ATM: variants seen among roughly 807,000 people sequenced by gnomAD.
ATM encodes the protein serine-protein kinase ATM.
A neutral mutation model predicts 387.0 loss-of-function variants in ATM; 308 were observed. The observed-to-expected ratio is 0.80, with a 90% CI of 0.73 to 0.87. The LOEUF is 0.87. Ranked by LOEUF, ATM falls within the 40% of genes least tolerant of loss-of-function variation. ATM has a pLI of 0.00. For synonymous variants in ATM, 1,156 were observed against 1,187.3 expected, an observed-to-expected ratio of 0.97 and a Z score of 0.54; for missense variants, 3,312 against 3,560.9, an observed-to-expected ratio of 0.93 and a Z score of 1.78.
intron 16 of ATM, among the ~76,000 whole-genome samples, chr11:108,266,770 G>A (rs1386142031): frequency 6.6e-6 from 1 of 150,588 alleles, no homozygotes; most frequent in Admixed American, 6.6e-5. Context: ...CATGAACCTT[G>A]AATTGTTTGA....
chr11:108,358,004 G>A lies in ATM; in HGVS notation c.8850+3130G>A, dbSNP rs1398090683. Among the ~76,000 whole-genome samples the A allele has an allele frequency of 3.5e-4, 51 of 146,378 alleles. No homozygotes were observed. The East Asian group carries it at 3.7e-3, about 11-fold the overall frequency. ...AGACGATCAAATTACTCTGAGCTAC[G>A]GGAGGACATTCAAACCAAAGGCAAA... On this transcript the variant is annotated intron_variant, in intron 61 of 62. Transcript: ENST00000675843.
At chr11:108,262,567 T>G (rs2080964383) in intron 16 of ATM, among the ~76,000 whole-genome samples, 2 of 152,218 alleles carry the variant, frequency 1.3e-5, no homozygotes, top group African/African-American at 2.4e-5. Flanking sequence ...AGGAAGAAAC[T>G]GCATCAACTA....
intron 58 of ATM, 33 bp downstream of exon 58, chr11:108,345,941 C>T (rs891286026): frequency 1.4e-5 from 22 of 1,611,340 alleles, no homozygotes; most frequent in Non-Finnish European, 1.7e-5. Flanking sequence ...AGATTGAGCA[C>T]TTTGTTGTTT....
rs201934068 is a variant in ATM, at chr11:108,354,058, TACACACACACAAACACACAC to T, written c.8786+190_8786+209del. On this transcript the variant is annotated intron_variant, in intron 60 of 62. Coordinates refer to ENST00000675843, the MANE Select transcript of ATM (RefSeq NM_000051.4). ...CAGCAAGACCCTGTATCTAAAAAAA[TACACACACACAAACACACAC>T]ACACACACACACACACACACACACA... is the stretch of plus-strand genomic sequence containing the variant. Among the ~76,000 whole-genome samples, 133 of 67,056 alleles carry T rather than the reference TACACACACACAAACACACAC, an allele frequency of 2.0e-3. 2 individuals are homozygous for T. The East Asian group carries it at 0.049, about 24-fold the overall frequency. The allele number at this position is 67,056 out of a possible 152,430, so 44.0% of individuals were successfully genotyped here.
chr11:108,243,810 C>CT (rs2079686423), intron 5 of ATM, 143 bp from the exon 6 acceptor site: 7 of 772,906 alleles, frequency 9.1e-6, no homozygotes, highest in Non-Finnish European at 1.4e-5. Context: ...TGATGGAGTA[C>CT]TTTTACTATG....
At chr11:108,238,558 T>A (rs2079411616) in intron 5 of ATM, among the ~76,000 whole-genome samples, 1 of 152,180 alleles carries the variant, frequency 6.6e-6, no homozygotes, top group Admixed American at 6.5e-5. Context: ...ACATTTTGAT[T>A]TTCAAATTGT....
At chr11:108,266,789 A>ATTTT (rs893198517) in intron 16 of ATM, among the ~76,000 whole-genome samples, 5 of 132,570 alleles carry the variant, frequency 3.8e-5, no homozygotes, top group East Asian at 2.1e-4. Context: ...GATTAGGTAA[A>ATTTT]TTTTTTTTTT....
At chr11:108,257,438 T>G (rs765419792) in intron 14 of ATM, 43 bp from the exon 15 acceptor site, 47 of 1,604,168 alleles carry the variant, frequency 2.9e-5, no homozygotes, top group Non-Finnish European at 3.8e-5. Context: ...TACTAAACTA[T>G]AATTTTAACT....
At chr11:108,318,286 CG>C in intron 43 of ATM, among the ~76,000 whole-genome samples, 1 of 151,846 alleles carries the variant, frequency 6.6e-6, no homozygotes, top group East Asian at 1.9e-4. Flanking sequence ...TGCTAGAACA[CG>C]GGAGACGGAG....
At chr11:108,334,837 G>A (rs1012958080) in intron 54 of ATM, 132 bp from the exon 55 acceptor site, 5 of 1,076,960 alleles carry the variant, frequency 4.6e-6, no homozygotes, top group Middle Eastern at 2.9e-4. Flanking sequence ...GCCTAAAGTT[G>A]TAGTTCTTAA....
chr11:108,257,202 T>C (rs2080549097), intron 14 of ATM, among the ~76,000 whole-genome samples: 2 of 152,190 alleles, frequency 1.3e-5, no homozygotes, highest in Admixed American at 6.5e-5. Context: ...TTTTTAATGA[T>C]AGGCTGTAAG....
At chr11:108,293,038 G>A (rs751418358) in intron 30 of ATM, among the ~76,000 whole-genome samples, 2 of 152,108 alleles carry the variant, frequency 1.3e-5, no homozygotes, top group Non-Finnish European at 2.9e-5. Flanking sequence ...ATAGCAGTTC[G>A]CAACGTTATG....
At position 108,359,483 on chromosome 11, in the gene ATM, C is replaced by G. The variant is rs573907148; in HGVS notation, c.8850+4609C>G. On this transcript the variant is annotated intron_variant, in intron 61 of 62. Coordinates refer to ENST00000675843, the MANE Select transcript of ATM (RefSeq NM_000051.4). ...TACAGAACTCTCCACCCCAAATCAACAGAATATACATTTTTTTCAGCACCA... is the reference window on the plus strand; with the variant it reads ...TACAGAACTCTCCACCCCAAATCAAGAGAATATACATTTTTTTCAGCACCA... Among the ~76,000 whole-genome samples, 207 of 152,132 alleles carry G rather than the reference C, an allele frequency of 1.4e-3. 1 individual carries two copies. The highest frequency in any genetic ancestry group is 4.7e-3 in the African/African-American group (195 of 41,488).
At position 108,335,224 on chromosome 11, in the gene ATM, G is replaced by A. The variant is rs113965980; in HGVS notation, c.8151+115G>A. 2.5e-6 allele frequency: 4 copies of A among 1,569,218 alleles called. No individual in the cohort carries two copies. The African/African-American group carries it at 5.4e-5, about 21-fold the overall frequency. On this transcript the variant is annotated intron_variant, in intron 55 of 62. Transcript: ENST00000675843. Reference sequence around the variant, plus strand: ...GTCTTTATTTTGAATACTTACAAATGAGGAAGATTTGTAGAGTAGAAATGC... The same window carrying A: ...GTCTTTATTTTGAATACTTACAAATAAGGAAGATTTGTAGAGTAGAAATGC...
intron 37 of ATM, among the ~76,000 whole-genome samples, chr11:108,306,663 A>T (rs1485813580): frequency 1.3e-5 from 2 of 152,142 alleles, no homozygotes; most frequent in Non-Finnish European, 2.9e-5. Context: ...CACATATAAA[A>T]TTCTGTTATT....
chr11:108,341,511 A>G (rs1424406061), intron 56 of ATM, among the ~76,000 whole-genome samples: 2 of 152,144 alleles, frequency 1.3e-5, no homozygotes, highest in Non-Finnish European at 2.9e-5. Context: ...TGTGTGTAAC[A>G]TGTAATACGC....
chr11:108,233,677 T>C (rs1445956770), intron 4 of ATM, among the ~76,000 whole-genome samples: 1 of 150,628 alleles, frequency 6.6e-6, no homozygotes, highest in Non-Finnish European at 1.5e-5. Context: ...GGAGACCCCA[T>C]CTTTAAAAAA....
At chr11:108,320,408 T>C (rs2085118082) in intron 44 of ATM, among the ~76,000 whole-genome samples, 1 of 152,208 alleles carries the variant, frequency 6.6e-6, no homozygotes, top group Non-Finnish European at 1.5e-5. Context: ...ACTTACAAAC[T>C]TGTTTTGAGG....
At chr11:108,363,903 T>A (rs1327916532) in intron 61 of ATM, among the ~76,000 whole-genome samples, 1 of 152,228 alleles carries the variant, frequency 6.6e-6, no homozygotes, top group African/African-American at 2.4e-5. Context: ...TTCCTTTTCA[T>A]TAGTTCATTA....
Sources: gnomAD v4.1 joint callset for allele counts (sites outside exome capture counted in the v4.1 genomes callset) on GRCh38, gnomAD v4.1.1 for gene constraint, MANE v1.5 for transcripts, NCBI Gene and HGNC (gene_info 2026-07-23, HGNC 2026-07-21) for gene names.